Variants in CSMD3 observed in about 807,000 individuals in gnomAD.
CSMD3 encodes the protein CUB and sushi domain-containing protein 3.
In CSMD3, 177 loss-of-function variants were observed where a neutral mutation model predicts 435.2. The observed-to-expected ratio is 0.41, with a 90% confidence interval of 0.36 to 0.46. The LOEUF (loss-of-function observed/expected upper bound fraction) is 0.46. Ranked by LOEUF, CSMD3 falls within the 20% of genes least tolerant of loss-of-function variation. The pLI is 0.34. For missense variants in CSMD3, 4,265 were observed against 4,504.6 expected (o/e 0.95, Z 1.52); for synonymous variants, 1,656 against 1,520.5 (o/e 1.09, Z -2.07).
chr8:113,401,682 C>A (rs1422679359), intron 1 of CSMD3, among the ~76,000 whole-genome samples: 3 of 151,550 alleles, frequency 2.0e-5, no homozygotes, highest in Non-Finnish European at 4.4e-5. Context: ...TTAACATAGA[C>A]AGCATTTTAA....
intron 12 of CSMD3, among the ~76,000 whole-genome samples, chr8:112,818,401 CT>C (rs1443067645): frequency 6.6e-6 from 1 of 152,024 alleles, no homozygotes; most frequent in Non-Finnish European, 1.5e-5. Flanking sequence ...GCTATTCAAT[CT>C]TTTTAAATCA....
rs1352120838 is a variant in CSMD3, at chr8:112,289,516, G to A, written c.8997C>T (p.Gly2999=). 9.9e-6 allele frequency: 16 copies of A among 1,612,060 alleles called. No homozygotes were observed. Among genetic ancestry groups the A allele is most frequent in the East Asian group, 8.9e-5 (4 of 44,818 alleles). The change falls in exon 57 of 71, where the codon GGC becomes GGT. Residue 2999 remains glycine (G), a synonymous_variant. Transcript: ENST00000297405. ...CAGACAGGACTGCATTAGGAGGAACGCCAGGGTGTCCACAGTCAATCACTA... is the reference window on the plus strand; with the variant it reads ...CAGACAGGACTGCATTAGGAGGAACACCAGGGTGTCCACAGTCAATCACTA... ...ECIMIDCGHP[G]VPPNAVLSGE...
At chr8:112,246,400 G>A (rs1316274626) in intron 64 of CSMD3, among the ~76,000 whole-genome samples, 1 of 151,936 alleles carries the variant, frequency 6.6e-6, no homozygotes, top group Non-Finnish European at 1.5e-5. Flanking sequence ...TTTTTAAAAG[G>A]CAACTGGAGA....
At chr8:112,234,321 T>A in intron 68 of CSMD3, 44 bp downstream of exon 68, 1 of 1,291,956 alleles carries the variant, frequency 7.7e-7, no homozygotes. Flanking sequence ...AGCTACAAAT[T>A]TATCATTAAA....
chr8:112,699,548 T>C (rs898109196), intron 13 of CSMD3, among the ~76,000 whole-genome samples: 17 of 152,174 alleles, frequency 1.1e-4, no homozygotes, highest in Admixed American at 3.3e-4. Context: ...AAATAAGATA[T>C]TACCTCTCTG....
At chr8:112,329,150 T>G (rs1823792870) in intron 45 of CSMD3, among the ~76,000 whole-genome samples, 1 of 152,044 alleles carries the variant, frequency 6.6e-6, no homozygotes, top group Non-Finnish European at 1.5e-5. Flanking sequence ...ATCTGAAAAA[T>G]AATGTGCCAA....
At chr8:113,014,044 G>T (rs1351553346) in intron 6 of CSMD3, among the ~76,000 whole-genome samples, 1 of 152,086 alleles carries the variant, frequency 6.6e-6, no homozygotes, top group Non-Finnish European at 1.5e-5. Context: ...AATCCCAGTA[G>T]CTAGCCACTT....
intron 13 of CSMD3, among the ~76,000 whole-genome samples, chr8:112,785,080 C>T (rs1317964436): frequency 6.6e-6 from 1 of 151,956 alleles, no homozygotes; most frequent in Non-Finnish European, 1.5e-5. Flanking sequence ...AAGTGGCATT[C>T]ATCTCAGGGA....
chr8:112,518,306 G>C (rs2130996918), intron 27 of CSMD3, among the ~76,000 whole-genome samples: 1 of 151,698 alleles, frequency 6.6e-6, no homozygotes, highest in South Asian at 2.1e-4. Flanking sequence ...TTTGAGACCA[G>C]CCTGGGCAAC....
rs115786469 is a variant in CSMD3, at chr8:112,538,213, T to C, written c.4564+12458A>G. 4.8e-3 allele frequency among the ~76,000 whole-genome samples: 725 copies of C among 152,132 alleles called. 4 individuals carry two copies. The highest frequency in any genetic ancestry group is 0.011 in the African/African-American group (438 of 41,532). ...ATATATCTAAAAATAACAAAGGCCA[T>C]ATACAACAAACCCACAGCTAACATC... On this transcript the variant is annotated intron_variant, in intron 27 of 70. Coordinates refer to ENST00000297405, the MANE Select transcript of CSMD3 (RefSeq NM_198123.2).
intron 7 of CSMD3, among the ~76,000 whole-genome samples, chr8:112,965,027 G>C (rs956281365): frequency 1.3e-5 from 2 of 151,968 alleles, no homozygotes; most frequent in Non-Finnish European, 2.9e-5. Flanking sequence ...AAGGAAAGCA[G>C]CTTGTTGCAA....
chr8:112,844,622 C>T (rs10088778), intron 11 of CSMD3, among the ~76,000 whole-genome samples: 2,145 of 152,024 alleles, frequency 0.014, 55 homozygotes, highest in African/African-American at 0.049. Context: ...AAGATAAAGA[C>T]CACAAATTGG....
intron 32 of CSMD3, among the ~76,000 whole-genome samples, chr8:112,430,572 T>C (rs916865518): frequency 4.6e-5 from 7 of 151,874 alleles, no homozygotes; most frequent in Non-Finnish European, 7.4e-5. Flanking sequence ...ATATTTTATG[T>C]TTAGGATATG....
At chr8:112,905,620 T>C (rs750556888) in intron 10 of CSMD3, among the ~76,000 whole-genome samples, 2 of 151,572 alleles carry the variant, frequency 1.3e-5, no homozygotes, top group African/African-American at 4.8e-5. Flanking sequence ...CCATCAATTA[T>C]AAAAGATTTC....
intron 27 of CSMD3, among the ~76,000 whole-genome samples, chr8:112,536,054 A>G (rs1166490046): frequency 6.6e-6 from 1 of 152,194 alleles, no homozygotes; most frequent in Non-Finnish European, 1.5e-5. Flanking sequence ...TGTTAGACCT[A>G]AAACCATAAA....
chr8:112,571,601 G>T (rs1158478238), intron 24 of CSMD3, among the ~76,000 whole-genome samples: 1 of 151,806 alleles, frequency 6.6e-6, no homozygotes, highest in Admixed American at 6.6e-5. Context: ...GGGCATGGTG[G>T]CTAATGCCTG....
chr8:113,057,138 C>A (rs1177649370), intron 5 of CSMD3, among the ~76,000 whole-genome samples: 1 of 152,152 alleles, frequency 6.6e-6, no homozygotes, highest in East Asian at 1.9e-4. Context: ...GGCTGTACTA[C>A]AATGTCTAAC....
intron 5 of CSMD3, among the ~76,000 whole-genome samples, chr8:113,052,587 T>G (rs920009769): frequency 3.3e-5 from 5 of 152,220 alleles, no homozygotes; most frequent in African/African-American, 1.2e-4. Context: ...GAGACCAGCC[T>G]GGACAACGTA....
intron 7 of CSMD3, among the ~76,000 whole-genome samples, chr8:112,955,445 T>A (rs2083980634): frequency 6.6e-6 from 1 of 151,820 alleles, no homozygotes; most frequent in Non-Finnish European, 1.5e-5. Context: ...GATATAAGCA[T>A]ACAATGTGTA....
Sources: gnomAD v4.1 joint callset for allele counts (sites outside exome capture counted in the v4.1 genomes callset) on GRCh38, gnomAD v4.1.1 for gene constraint, MANE v1.5 for transcripts, NCBI Gene and HGNC (gene_info 2026-07-23, HGNC 2026-07-21) for gene names.